The following ACOT13 variants were observed in gnomAD, a reference collection of about 807,000 sequenced individuals.
ACOT13 encodes the protein acyl-coenzyme A thioesterase 13.
Under a neutral mutation model 11.8 loss-of-function variants are expected in ACOT13, and 10 were observed. The observed-to-expected ratio is 0.85, with a 90% CI of 0.53 to 1.44. The LOEUF is 1.44. Among genes scored for constraint, ACOT13 ranks in the 40% most tolerant of loss-of-function variants. The pLI, the probability that ACOT13 is intolerant of heterozygous loss-of-function variation, is 0.00. For missense variants in ACOT13, 172 were observed against 174.1 expected (o/e 0.99, Z 0.07); for synonymous variants, 53 against 61.0 (o/e 0.87, Z 0.61).
At chr6:24,679,594 A>T (rs559727639) in intron 1 of ACOT13, among the ~76,000 whole-genome samples, 23 of 152,120 alleles carry the variant, frequency 1.5e-4, no homozygotes, top group African/African-American at 5.3e-4. Context: ...ACCAATTTCC[A>T]TGTTCTGATT....
At chr6:24,689,673 A>G (rs1778692880) in intron 1 of ACOT13, among the ~76,000 whole-genome samples, 1 of 152,184 alleles carries the variant, frequency 6.6e-6, no homozygotes, top group African/African-American at 2.4e-5. Flanking sequence ...CCGAAAGAGT[A>G]GTAGGTAGGA....
Position 24,704,551 on chromosome 6 carries a change from A to C in ACOT13, c.*2936A>C, listed in dbSNP as rs1778959931. ...GGTTGAGAGGTTAAGACAAGAGCTT[A>C]GAAGAGTACCTGGTTATAATAAACA... On this transcript the variant is annotated 3_prime_UTR_variant, in exon 3 of 3. Transcript: ENST00000230048. 2 of 152,252 alleles carry C rather than the reference A, an allele frequency of 1.3e-5. No homozygotes were observed. The highest frequency in any genetic ancestry group is 4.8e-5 in the African/African-American group (2 of 41,470). The allele number at this position is 152,252 out of a possible 1,614,324, so 9.4% of individuals were successfully genotyped here.
At chr6:24,669,204 A>C (rs189420253) in intron 1 of ACOT13, among the ~76,000 whole-genome samples, 3 of 152,364 alleles carry the variant, frequency 2.0e-5, no homozygotes, top group Non-Finnish European at 1.5e-5. Context: ...CATGTGCCCA[A>C]GGTGGTCAGA....
At chr6:24,692,079 C>T (rs1778726019) in intron 1 of ACOT13, among the ~76,000 whole-genome samples, 1 of 152,124 alleles carries the variant, frequency 6.6e-6, no homozygotes. Context: ...TATCCTATAT[C>T]CTTCTGAGTG....
intron 1 of ACOT13, among the ~76,000 whole-genome samples, chr6:24,691,032 C>A (rs959749594): frequency 6.6e-6 from 1 of 152,184 alleles, no homozygotes; most frequent in Non-Finnish European, 1.5e-5. Flanking sequence ...TCCCTCTATA[C>A]TTTTTCCTTG....
rs1257060570 is a variant in ACOT13 at position 24,703,328 on chromosome 6, A to G, written c.*1713A>G. The G allele has an allele frequency of 6.6e-6, 1 of 152,252 alleles. No homozygotes were observed. The highest frequency in any genetic ancestry group is 2.4e-5 in the African/African-American group (1 of 41,454). 9.4% of individuals were successfully genotyped at this position (152,252 alleles called of 1,614,324 possible). On this transcript the variant is annotated 3_prime_UTR_variant, in exon 3 of 3. Coordinates refer to ENST00000230048, the MANE Select transcript of ACOT13 (RefSeq NM_018473.4). ...TCGCCTGCTGATCTGTCCACTGTGAAAGGGCAGAAGACTCCACAGTAGCAA... is the reference window on the plus strand; with the variant it reads ...TCGCCTGCTGATCTGTCCACTGTGAGAGGGCAGAAGACTCCACAGTAGCAA...
At chr6:24,668,776 T>C (rs1778308196) in intron 1 of ACOT13, among the ~76,000 whole-genome samples, 1 of 152,050 alleles carries the variant, frequency 6.6e-6, no homozygotes, top group Admixed American at 6.6e-5. Context: ...TACACTCCTA[T>C]GGGAAGATCT....
intron 1 of ACOT13, among the ~76,000 whole-genome samples, chr6:24,681,618 C>A (rs575930481): frequency 2.1e-3 from 320 of 151,838 alleles, no homozygotes; most frequent in Middle Eastern, 0.01. Context: ...GGGGCCCTGG[C>A]AAGGGTAGTG....
intron 1 of ACOT13, among the ~76,000 whole-genome samples, chr6:24,689,086 G>T (rs1273121980): frequency 6.6e-6 from 1 of 152,004 alleles, no homozygotes; most frequent in Non-Finnish European, 1.5e-5. Flanking sequence ...TTGAACCTAG[G>T]AGGTGGAGGC....
intron 1 of ACOT13, among the ~76,000 whole-genome samples, chr6:24,674,137 C>G (rs951255330): frequency 1.3e-5 from 2 of 152,050 alleles, no homozygotes; most frequent in East Asian, 1.9e-4. Context: ...TCTTGGCTCA[C>G]TGCAACCTCC....
At position 24,685,813 on chromosome 6, in the gene ACOT13, A is replaced by T. The variant is rs187530791; in HGVS notation, c.82-12070A>T. Among the ~76,000 whole-genome samples the T allele has an allele frequency of 6.6e-5, 10 of 152,274 alleles. No individual in the cohort carries two copies. In the East Asian group the frequency reaches 1.9e-3, roughly 29 times the overall value. On this transcript the variant is annotated intron_variant, in intron 1 of 2. Coordinates refer to ENST00000230048, the MANE Select transcript of ACOT13 (RefSeq NM_018473.4). ...GGTGCTAAATATCTTACAGTGTACA[A>T]ATCTGTGCCCTATTCCCCCACAACA...
chr6:24,670,162 T>C (rs1432663967), intron 1 of ACOT13, among the ~76,000 whole-genome samples: 3 of 152,220 alleles, frequency 2.0e-5, no homozygotes, highest in Non-Finnish European at 4.4e-5. Context: ...GTAGGACTGA[T>C]TTGCTTTATT....
intron 1 of ACOT13, among the ~76,000 whole-genome samples, chr6:24,679,380 T>C (rs1160962076): frequency 6.6e-6 from 1 of 152,222 alleles, no homozygotes; most frequent in Non-Finnish European, 1.5e-5. Flanking sequence ...GACTGAGTGA[T>C]AAACTTATCC....
At chr6:24,686,708 TTTTC>T (rs1778637337) in intron 1 of ACOT13, among the ~76,000 whole-genome samples, 1 of 151,680 alleles carries the variant, frequency 6.6e-6, no homozygotes, top group Non-Finnish European at 1.5e-5. Context: ...TTTTCTTTTC[TTTTC>T]TTTTTTCTTA....
At chr6:24,683,507 G>T (rs1778584946) in intron 1 of ACOT13, among the ~76,000 whole-genome samples, 1 of 151,894 alleles carries the variant, frequency 6.6e-6, no homozygotes. Flanking sequence ...CTGCGCTCCA[G>T]CCTGGGTGGA....
chr6:24,698,067 CG>C lies in ACOT13; in HGVS notation c.266+1del. ...GGAGTCAGTGTCGATATGAACATAA[CG>C]TATGTATCCAAACTGTATTCCAAAT... On this transcript the variant is annotated splice_donor_variant, in intron 2 of 2. Coordinates refer to ENST00000230048, the MANE Select transcript of ACOT13 (RefSeq NM_018473.4). LOFTEE classifies it high-confidence loss of function. 6.3e-7 allele frequency: 1 copy of C among 1,595,496 alleles called. No homozygotes were observed. Among genetic ancestry groups the C allele is most frequent in the Non-Finnish European group, 8.5e-7 (1 of 1,171,122 alleles).
chr6:24,682,773 G>A (rs1307657236), intron 1 of ACOT13, among the ~76,000 whole-genome samples: 2 of 152,168 alleles, frequency 1.3e-5, no homozygotes, highest in African/African-American at 4.8e-5. Flanking sequence ...GACCAGAAGA[G>A]TGCAGTTACA....
intron 1 of ACOT13, chr6:24,687,524 A>G: frequency 2.2e-6 from 3 of 1,376,924 alleles, no homozygotes; most frequent in Non-Finnish European, 2.8e-6. Flanking sequence ...AAAGGAAGGC[A>G]AAGTGTAAAG....
chr6:24,679,101 T>C (rs1582436658), intron 1 of ACOT13, among the ~76,000 whole-genome samples: 1 of 152,348 alleles, frequency 6.6e-6, no homozygotes, highest in Middle Eastern at 3.4e-3. Context: ...TGGACAATCT[T>C]TTTTAAAGTG....
Sources: allele counts gnomAD v4.1 joint callset (sites outside exome capture counted in the v4.1 genomes callset), GRCh38; gene constraint gnomAD v4.1.1; transcripts MANE v1.5; gene names NCBI Gene and HGNC (gene_info 2026-07-23, HGNC 2026-07-21).